TRPS1: variants seen among roughly 807,000 people sequenced by gnomAD.
TRPS1 encodes the protein transcriptional repressor GATA binding 1.
Under a neutral mutation model 101.2 loss-of-function variants are expected in TRPS1, and 6 were observed. The observed-to-expected ratio is 0.06, with a 90% CI of 0.03 to 0.12. The LOEUF (loss-of-function observed/expected upper bound fraction) is 0.12. Among genes scored for constraint, TRPS1 ranks in the 10% least tolerant of loss-of-function variants. The pLI is 1.00. For missense variants in TRPS1, 1,363 were observed against 1,567.0 expected (o/e 0.87, Z 2.20); for synonymous variants, 578 against 589.8 (o/e 0.98, Z 0.29).
chr8:115,505,310 A>G (rs1815415196), intron 5 of TRPS1, among the ~76,000 whole-genome samples: 1 of 152,176 alleles, frequency 6.6e-6, no homozygotes, highest in Non-Finnish European at 1.5e-5. Flanking sequence ...TGCAGACAAG[A>G]CAGTAAATTG....
At chr8:115,426,515 GA>G (rs1480696772) in intron 5 of TRPS1, among the ~76,000 whole-genome samples, 3 of 151,596 alleles carry the variant, frequency 2.0e-5, no homozygotes, top group Non-Finnish European at 2.9e-5. Flanking sequence ...GTTATTTTGG[GA>G]AAAAACAGAA....
chr8:115,495,930 C>T (rs1815138130), intron 5 of TRPS1, among the ~76,000 whole-genome samples: 1 of 152,136 alleles, frequency 6.6e-6, no homozygotes, highest in Non-Finnish European at 1.5e-5. Context: ...AAGGGTGTAT[C>T]TGGAGTCCCT....
chr8:115,584,973 G>A (rs916597196), intron 5 of TRPS1, among the ~76,000 whole-genome samples: 1 of 152,006 alleles, frequency 6.6e-6, no homozygotes, highest in African/African-American at 2.4e-5. Context: ...ACCACAGAAT[G>A]ATTCAATATT....
intron 5 of TRPS1, among the ~76,000 whole-genome samples, chr8:115,482,694 T>C (rs1814783861): frequency 6.6e-6 from 1 of 152,184 alleles, no homozygotes; most frequent in Non-Finnish European, 1.5e-5. Flanking sequence ...TTTTGGTTCT[T>C]TTCATCAAAG....
intron 5 of TRPS1, among the ~76,000 whole-genome samples, chr8:115,482,139 C>T (rs1023370012): frequency 6.6e-6 from 1 of 152,162 alleles, no homozygotes; most frequent in African/African-American, 2.4e-5. Context: ...GTGAACCATT[C>T]TTTAAAATCA....
chr8:115,617,575 A>G (rs1818300923), intron 3 of TRPS1, among the ~76,000 whole-genome samples: 1 of 152,216 alleles, frequency 6.6e-6, no homozygotes, highest in Admixed American at 6.5e-5. Context: ...TTGTCCCTAG[A>G]GTGAACAGAC....
intron 3 of TRPS1, among the ~76,000 whole-genome samples, chr8:115,616,467 C>T (rs768310126): frequency 1.7e-4 from 26 of 151,846 alleles, no homozygotes; most frequent in Non-Finnish European, 3.1e-4. Context: ...CCATGTCAAA[C>T]CAAAATATAG....
chr8:115,655,802 T>C (rs1811664113), intron 1 of TRPS1, among the ~76,000 whole-genome samples: 1 of 152,184 alleles, frequency 6.6e-6, no homozygotes, highest in African/African-American at 2.4e-5. Flanking sequence ...TCTTCTATTG[T>C]ATTCCAAATG....
intron 5 of TRPS1, among the ~76,000 whole-genome samples, chr8:115,538,914 C>T (rs1406904310): frequency 6.6e-6 from 1 of 152,166 alleles, no homozygotes; most frequent in East Asian, 1.9e-4. Flanking sequence ...AAAACAACCT[C>T]TCCAACATAA....
chr8:115,576,694 G>A (rs1278662734), intron 5 of TRPS1, among the ~76,000 whole-genome samples: 1 of 152,200 alleles, frequency 6.6e-6, no homozygotes, highest in Admixed American at 6.5e-5. Flanking sequence ...AGGCAGGCCT[G>A]AACCACAGCC....
intron 5 of TRPS1, among the ~76,000 whole-genome samples, chr8:115,540,769 G>T (rs187911382): frequency 1.0e-3 from 157 of 151,720 alleles, no homozygotes; most frequent in Middle Eastern, 3.4e-3. Context: ...GCACATAATA[G>T]ATCCTCTAAA....
chr8:115,501,532 C>G (rs895409357), intron 5 of TRPS1, among the ~76,000 whole-genome samples: 1 of 152,010 alleles, frequency 6.6e-6, no homozygotes, highest in African/African-American at 2.4e-5. Flanking sequence ...TCTTCTACAC[C>G]CATATTTTCA....
chr8:115,537,196 T>C (rs569816294), intron 5 of TRPS1, among the ~76,000 whole-genome samples: 2 of 152,330 alleles, frequency 1.3e-5, no homozygotes, highest in East Asian at 1.9e-4. Flanking sequence ...AGTATATTCT[T>C]CCACTCTAAA....
At chr8:115,419,451 T>G (rs1000011551) in intron 5 of TRPS1, among the ~76,000 whole-genome samples, 6 of 152,000 alleles carry the variant, frequency 3.9e-5, no homozygotes, top group Non-Finnish European at 7.4e-5. Context: ...CCTTTAATGA[T>G]AAAATATGCG....
intron 1 of TRPS1, among the ~76,000 whole-genome samples, chr8:115,657,361 T>C (rs1339496193): frequency 6.6e-6 from 1 of 152,150 alleles, no homozygotes; most frequent in Non-Finnish European, 1.5e-5. Context: ...GCTACTATTC[T>C]AGTTTGCGTT....
intron 5 of TRPS1, among the ~76,000 whole-genome samples, chr8:115,476,014 T>TAAGTGCAAGTAAAA (rs1586312131): frequency 3.8e-5 from 2 of 52,820 alleles, no homozygotes; most frequent in South Asian, 6.2e-4. Flanking sequence ...TCTTTTTTTT[T>TAAGTGCAAGTAAAA]TTTTTTTTTT....
chr8:115,425,494 T>C (rs1016888458), intron 5 of TRPS1, among the ~76,000 whole-genome samples: 1 of 152,188 alleles, frequency 6.6e-6, no homozygotes, highest in Non-Finnish European at 1.5e-5. Context: ...CATGAGGCAA[T>C]ACATACTCCA....
At chr8:115,503,896 T>C (rs1017886152) in intron 5 of TRPS1, among the ~76,000 whole-genome samples, 3 of 152,210 alleles carry the variant, frequency 2.0e-5, no homozygotes, top group African/African-American at 2.4e-5. Context: ...TTTGGTATCA[T>C]TGTGACTGTG....
At chr8:115,452,993 T>C (rs1192303535) in intron 5 of TRPS1, among the ~76,000 whole-genome samples, 1 of 152,040 alleles carries the variant, frequency 6.6e-6, no homozygotes, top group Admixed American at 6.6e-5. Flanking sequence ...AACAGTATAG[T>C]AATAAAATAA....
Sources: allele counts gnomAD v4.1 joint callset (sites outside exome capture counted in the v4.1 genomes callset), GRCh38; gene constraint gnomAD v4.1.1; transcripts MANE v1.5; gene names NCBI Gene and HGNC (gene_info 2026-07-23, HGNC 2026-07-21).